Variants in PACRG observed in about 807,000 individuals in gnomAD.
The protein encoded by PACRG is parkin coregulated gene protein.
In PACRG, 29 loss-of-function variants were observed where a neutral mutation model predicts 29.7. The observed-to-expected ratio is 0.98, with a 90% CI of 0.73 to 1.33. The LOEUF (loss-of-function observed/expected upper bound fraction) is 1.33. PACRG is among the 40% of genes most tolerant of loss of function. The pLI is 0.00. For missense variants in PACRG, 279 were observed against 316.2 expected, an observed-to-expected ratio of 0.88 and a Z score of 0.89; for synonymous variants, 116 against 118.7, an observed-to-expected ratio of 0.98 and a Z score of 0.15.
intron 2 of PACRG, among the ~76,000 whole-genome samples, chr6:162,816,327 G>T (rs1787335720): frequency 6.6e-6 from 1 of 152,052 alleles, no homozygotes; most frequent in Admixed American, 6.6e-5. Flanking sequence ...TAACACTGAA[G>T]ATAAGACATT....
At chr6:163,313,639 A>C (rs1785526773) in intron 4 of PACRG, 1 of 152,210 alleles carries the variant, frequency 6.6e-6, no homozygotes, top group African/African-American at 2.4e-5. Flanking sequence ...AATATGAATA[A>C]AATGAATTCT....
intron 4 of PACRG, among the ~76,000 whole-genome samples, chr6:163,201,955 G>C (rs558022343): frequency 3.3e-5 from 5 of 152,208 alleles, no homozygotes; most frequent in Non-Finnish European, 7.3e-5. Flanking sequence ...AGGAGTGAGC[G>C]GGCCTCCCTG....
chr6:162,848,412 C>T (rs973372168), intron 2 of PACRG, among the ~76,000 whole-genome samples: 1 of 152,202 alleles, frequency 6.6e-6, no homozygotes, highest in Non-Finnish European at 1.5e-5. Context: ...AGACAATAGA[C>T]TCATGTTCAA....
At chr6:163,028,644 A>G (rs979347327) in intron 2 of PACRG, among the ~76,000 whole-genome samples, 1 of 152,240 alleles carries the variant, frequency 6.6e-6, no homozygotes, top group Non-Finnish European at 1.5e-5. Flanking sequence ...TTTCATATAT[A>G]AAGTTTAAAT....
chr6:162,992,136 G>T (rs1430891151), intron 2 of PACRG, among the ~76,000 whole-genome samples: 14 of 142,058 alleles, frequency 9.9e-5, no homozygotes, highest in Middle Eastern at 3.5e-3. Flanking sequence ...GCTGGATTCG[G>T]TTTGCCAGTA....
intron 2 of PACRG, among the ~76,000 whole-genome samples, chr6:162,895,830 T>G (rs2128048427): frequency 6.6e-6 from 1 of 152,344 alleles, no homozygotes; most frequent in East Asian, 1.9e-4. Context: ...ACTGCTGGTG[T>G]TCTGGTCACC....
At chr6:163,145,904 G>T (rs1205663) in intron 4 of PACRG, among the ~76,000 whole-genome samples, 1 of 151,996 alleles carries the variant, frequency 6.6e-6, no homozygotes, top group Non-Finnish European at 1.5e-5. Context: ...GATGAGAGGC[G>T]GTGAGGAGAG....
intron 2 of PACRG, among the ~76,000 whole-genome samples, chr6:162,852,005 G>GGAAGGAAGGAAAGGAAGGAAGGAAGGA (rs1562663902): frequency 6.9e-5 from 8 of 116,032 alleles, no homozygotes; most frequent in African/African-American, 2.7e-4. Context: ...GGGAGGGAGG[G>GGAAGGAAGGAAAGGAAGGAAGGAAGGA]AGGAAGGAAG....
chr6:163,148,362 A>C (rs779314217), intron 4 of PACRG, among the ~76,000 whole-genome samples: 2 of 152,180 alleles, frequency 1.3e-5, no homozygotes, highest in Non-Finnish European at 2.9e-5. Flanking sequence ...TTTGATATAC[A>C]AAGGGATCCA....
At chr6:163,258,711 G>C (rs1017478957) in intron 4 of PACRG, among the ~76,000 whole-genome samples, 1 of 151,030 alleles carries the variant, frequency 6.6e-6, no homozygotes, top group Non-Finnish European at 1.5e-5. Context: ...GAGCCGAGAT[G>C]GCGCCACTGC....
intron 1 of PACRG, among the ~76,000 whole-genome samples, chr6:162,794,618 A>G (rs1043132979): frequency 3.3e-5 from 5 of 152,198 alleles, no homozygotes; most frequent in Non-Finnish European, 2.9e-5. Context: ...AATTTCATAT[A>G]TGGTGTGAGA....
At chr6:163,159,646 CT>C (rs1778469236) in intron 4 of PACRG, among the ~76,000 whole-genome samples, 1 of 152,058 alleles carries the variant, frequency 6.6e-6, no homozygotes, top group Admixed American at 6.5e-5. Flanking sequence ...ATCTTATTTA[CT>C]TTTACAAGGT....
intron 3 of PACRG, among the ~76,000 whole-genome samples, chr6:163,086,878 A>C (rs1813608719): frequency 6.6e-6 from 1 of 152,090 alleles, no homozygotes; most frequent in South Asian, 2.1e-4. Flanking sequence ...AATCACTAGA[A>C]AATTTTTAAA....
chr6:162,947,639 T>TATATATAATC (rs1799336593), intron 2 of PACRG, among the ~76,000 whole-genome samples: 1 of 82,712 alleles, frequency 1.2e-5, no homozygotes, highest in Non-Finnish European at 2.3e-5. Context: ...TATATATATA[T>TATATATAATC]ATATATATAC....
chr6:162,994,816 T>G (rs1366713727), intron 2 of PACRG, among the ~76,000 whole-genome samples: 1 of 151,274 alleles, frequency 6.6e-6, no homozygotes, highest in Non-Finnish European at 1.5e-5. Context: ...GGAGAGGCGC[T>G]CTGCGTTTTA....
At chr6:163,033,319 G>A (rs527433429) in intron 2 of PACRG, among the ~76,000 whole-genome samples, 4 of 152,212 alleles carry the variant, frequency 2.6e-5, no homozygotes, top group South Asian at 2.1e-4. Context: ...TCTCTCCAGC[G>A]TTTAACTTCA....
intron 4 of PACRG, among the ~76,000 whole-genome samples, chr6:163,259,454 C>T (rs1353939622): frequency 1.3e-5 from 2 of 152,126 alleles, no homozygotes; most frequent in East Asian, 1.9e-4. Context: ...ACCTGCTGAC[C>T]TCTTCAGCCA....
intron 1 of PACRG, among the ~76,000 whole-genome samples, chr6:162,730,789 C>T (rs1031809987): frequency 6.6e-6 from 1 of 152,100 alleles, no homozygotes; most frequent in South Asian, 2.1e-4. Context: ...AAAAGCCCTG[C>T]AATGAAATAA....
At chr6:162,738,066 C>G (rs1780299879) in intron 1 of PACRG, among the ~76,000 whole-genome samples, 2 of 152,048 alleles carry the variant, frequency 1.3e-5, no homozygotes, top group Admixed American at 6.5e-5. Flanking sequence ...ACATTATATT[C>G]TTATAAGTAA....
Sources: gnomAD v4.1 joint callset for allele counts (sites outside exome capture counted in the v4.1 genomes callset) on GRCh38, gnomAD v4.1.1 for gene constraint, MANE v1.5 for transcripts, NCBI Gene and HGNC (gene_info 2026-07-23, HGNC 2026-07-21) for gene names.